Variants in ATAD2 observed in about 807,000 individuals in gnomAD.
The protein encoded by ATAD2 is ATPase family AAA domain-containing protein 2.
Under a neutral mutation model 168.9 loss-of-function variants are expected in ATAD2, and 62 were observed. The observed-to-expected ratio is 0.37, with a 90% CI of 0.30 to 0.45. The LOEUF is 0.45. ATAD2 is among the 20% of genes least tolerant of loss of function. The probability of loss-of-function intolerance (pLI) is 1.00; values close to 1 mark genes in which losing one functional copy is unlikely to be tolerated. For missense variants in ATAD2, 1,419 were observed against 1,667.8 expected, an observed-to-expected ratio of 0.85 and a Z score of 2.60; for synonymous variants, 613 against 571.6, an observed-to-expected ratio of 1.07 and a Z score of -1.03.
chr8:123,339,405 A>T lies in ATAD2; in HGVS notation c.2760T>A (p.Asn920Lys). The change falls in exon 20 of 28, where the codon AAT (asparagine) becomes AAA (lysine). Residue 920 changes from asparagine to lysine, a missense_variant. Coordinates refer to ENST00000287394, the MANE Select transcript of ATAD2 (RefSeq NM_014109.4). The part of the protein sequence containing the change: ...LFIRDYGEIF[N>K]VQLPDKEERT... The stretch of plus-strand genomic sequence containing the variant: ...GTTCTTCTTTATCCGGTAACTGGAC[A>T]TTAAAAATCTCTCCATAATCACGGA... 1 of 1,598,674 alleles carries T rather than the reference A, an allele frequency of 6.3e-7. No individual in the cohort carries two copies. Among genetic ancestry groups the T allele is most frequent in the Non-Finnish European group, 8.5e-7 (1 of 1,173,200 alleles).
chr8:123,389,627 A>G (rs1393041092), intron 1 of ATAD2, among the ~76,000 whole-genome samples: 1 of 150,782 alleles, frequency 6.6e-6, no homozygotes, highest in East Asian at 2.0e-4. Flanking sequence ...GCGACAGAGC[A>G]AGGCTCCGTC....
intron 2 of ATAD2, among the ~76,000 whole-genome samples, chr8:123,375,296 A>T (rs2129793433): frequency 6.6e-6 from 1 of 152,276 alleles, no homozygotes; most frequent in Admixed American, 6.5e-5. Flanking sequence ...CAACATTATT[A>T]GCCATCAGGG....
chr8:123,392,429 A>G (rs1309580928), intron 1 of ATAD2, among the ~76,000 whole-genome samples: 1 of 152,118 alleles, frequency 6.6e-6, no homozygotes, highest in Admixed American at 6.6e-5. Flanking sequence ...AATTTGAATC[A>G]TAGTCACACA....
chr8:123,362,300 T>TAA (rs58362261), intron 8 of ATAD2, among the ~76,000 whole-genome samples: 41 of 133,752 alleles, frequency 3.1e-4, no homozygotes, highest in South Asian at 1.5e-3. Context: ...TGCCTCTATC[T>TAA]AAAAAAAAAA....
chr8:123,359,159 G>C (rs530470280), intron 11 of ATAD2, 62 bp downstream of exon 11: 11 of 1,235,358 alleles, frequency 8.9e-6, no homozygotes, highest in Non-Finnish European at 1.3e-5. Context: ...CAAGGTATAA[G>C]AACTACAAGA....
At chr8:123,342,785 G>A (rs1828101101) in intron 19 of ATAD2, among the ~76,000 whole-genome samples, 1 of 151,948 alleles carries the variant, frequency 6.6e-6, no homozygotes, top group South Asian at 2.1e-4. Context: ...GATAACCTTG[G>A]CCTCCTTTCC....
chr8:123,334,334 G>C lies in ATAD2; in HGVS notation c.3212-12C>G. On this transcript the variant is annotated splice_polypyrimidine_tract_variant and intron_variant, in intron 22 of 27. Coordinates refer to ENST00000287394, the MANE Select transcript of ATAD2 (RefSeq NM_014109.4). ...CCTAATAAGACGATCTATGAAGTGA[G>C]TAAAAAATGTAATTTTTAATTTCCC... 1 of 1,480,572 alleles carries C rather than the reference G, an allele frequency of 6.8e-7. No homozygotes were observed. The highest frequency in any genetic ancestry group is 8.9e-7 in the Non-Finnish European group (1 of 1,117,712). 91.7% of individuals were successfully genotyped at this position (1,480,572 alleles called of 1,614,324 possible).
intron 8 of ATAD2, among the ~76,000 whole-genome samples, chr8:123,365,267 A>G (rs1027581863): frequency 6.6e-6 from 1 of 152,210 alleles, no homozygotes; most frequent in Non-Finnish European, 1.5e-5. Flanking sequence ...ACACTGCTGA[A>G]AGAAATAACA....
intron 2 of ATAD2, among the ~76,000 whole-genome samples, chr8:123,374,619 C>T (rs760887031): frequency 2.0e-5 from 3 of 152,146 alleles, no homozygotes; most frequent in South Asian, 2.1e-4. Context: ...CCTTCAATTG[C>T]TATGCACTAA....
rs780418869 is a variant in ATAD2, at chr8:123,371,726, A to T, written c.480T>A (p.Ile160=). Residue 160 remains isoleucine, a synonymous_variant, in exon 4 of 28, where the codon ATT becomes ATA. Transcript: ENST00000287394. ...GDVEVRRSCR[I]RSRYSGVNQS... is the part of the protein sequence containing the mutation. ...GGTTTACACCACTATAACGACTTCT[A>T]ATCCTACAACTTCGACGCACTTCAA... 1 of 1,613,530 alleles carries T rather than the reference A, an allele frequency of 6.2e-7. No individual in the cohort carries two copies.
intron 19 of ATAD2, among the ~76,000 whole-genome samples, chr8:123,343,077 C>T (rs955617376): frequency 3.3e-5 from 5 of 151,822 alleles, no homozygotes; most frequent in African/African-American, 1.2e-4. Flanking sequence ...CCCCACCTTC[C>T]GGGTTCAAGC....
chr8:123,344,736 T>C (rs781096902), intron 19 of ATAD2, 148 bp downstream of exon 19: 2 of 842,256 alleles, frequency 2.4e-6, no homozygotes, highest in Non-Finnish European at 1.9e-6. Flanking sequence ...TGAGCACATA[T>C]ACCAAATAGT....
At chr8:123,398,216 GGTTCTT>G (rs1812942755), upstream of ATAD2, among the ~76,000 whole-genome samples, 1 of 149,674 alleles carries the variant, frequency 6.7e-6, no homozygotes. Flanking sequence ...TTTTGAGAGA[GGTTCTT>G]GTTCTTTTTT....
rs1827440257 is a variant in ATAD2 at position 123,320,588 on chromosome 8, G to T, written c.*546C>A. ...GACTGTGATACTCAAGTACAGAATT[G>T]TGGTGCAGCCAGAAGTGGTTCAAGA... On this transcript the variant is annotated 3_prime_UTR_variant, in exon 28 of 28. Coordinates refer to ENST00000287394, the MANE Select transcript of ATAD2 (RefSeq NM_014109.4). The T allele has an allele frequency of 6.6e-6, 1 of 152,356 alleles. No homozygotes were observed. The highest frequency in any genetic ancestry group is 2.4e-5 in the African/African-American group (1 of 41,438). The allele number at this position is 152,356 out of a possible 1,614,324, so 9.4% of individuals were successfully genotyped here.
chr8:123,396,020 G>T (rs187393399), intron 1 of ATAD2, among the ~76,000 whole-genome samples, 167 bp downstream of exon 1: 1 of 152,158 alleles, frequency 6.6e-6, no homozygotes, highest in African/African-American at 2.4e-5. Flanking sequence ...GATCCGACCC[G>T]CACCTCCGAT....
chr8:123,363,958 CTGA>C (rs1401453064), intron 8 of ATAD2, among the ~76,000 whole-genome samples: 2 of 152,098 alleles, frequency 1.3e-5, no homozygotes, highest in African/African-American at 2.4e-5. Context: ...CATTACTATA[CTGA>C]TGATTTCCAG....
chr8:123,345,613 CGGAGGTTGCA>C (rs1448674906), intron 18 of ATAD2, among the ~76,000 whole-genome samples: 7 of 151,896 alleles, frequency 4.6e-5, no homozygotes, highest in Non-Finnish European at 1.0e-4. Flanking sequence ...ACCCGGAAGG[CGGAGGTTGCA>C]GGGAGCCAGG....
chr8:123,352,589 C>G (rs554585663), intron 13 of ATAD2: 6 of 152,064 alleles, frequency 3.9e-5, no homozygotes, highest in African/African-American at 1.4e-4. Flanking sequence ...AATAGAACTC[C>G]AAGTTCTGAA....
In ATAD2 at chr8:123,328,426, T is replaced by G. The variant is rs761227886; in HGVS notation, c.3632A>C (p.Asp1211Ala). ...TCCTGTGTTTCCGGTCTCATTATGATCTACACTTGTGTCTTGAGTTTCCTC... is the reference window on the plus strand; with the variant it reads ...TCCTGTGTTTCCGGTCTCATTATGAGCTACACTTGTGTCTTGAGTTTCCTC... ...DTEETQDTSVDHNETGNTGES... is the reference protein window; with the variant it reads ...DTEETQDTSVAHNETGNTGES... The change falls in exon 25 of 28, where the codon GAT (aspartate) becomes GCT (alanine). Residue 1211 changes from aspartate to alanine, a missense_variant. By Grantham distance (126) the Asp-to-Ala change is moderately radical. Coordinates refer to ENST00000287394, the MANE Select transcript of ATAD2 (RefSeq NM_014109.4). The G allele has an allele frequency of 6.2e-7, 1 of 1,611,116 alleles. No individual in the cohort carries two copies. The highest frequency in any genetic ancestry group is 1.1e-5 in the South Asian group (1 of 89,770).
Sources: gnomAD v4.1 joint callset for allele counts (sites outside exome capture counted in the v4.1 genomes callset) on GRCh38, gnomAD v4.1.1 for gene constraint, MANE v1.5 for transcripts, NCBI Gene and HGNC (gene_info 2026-07-23, HGNC 2026-07-21) for gene names.